The following CAMK1D variants were observed in gnomAD, a reference collection of about 807,000 sequenced individuals.
CAMK1D encodes calcium/calmodulin-dependent protein kinase type 1D.
In CAMK1D, 9 loss-of-function variants were observed where a neutral mutation model predicts 47.7. That is an observed-to-expected ratio of 0.19 (90% CI 0.11 to 0.33). The LOEUF is 0.33. CAMK1D is among the 10% of genes least tolerant of loss of function. The pLI is 1.00. For missense variants in CAMK1D, 291 were observed against 488.7 expected, an observed-to-expected ratio of 0.60 and a Z score of 3.81; for synonymous variants, 184 against 184.9, an observed-to-expected ratio of 0.99 and a Z score of 0.04.
At chr10:12,564,546 T>TC (rs1297239429) in intron 2 of CAMK1D, among the ~76,000 whole-genome samples, 2 of 152,204 alleles carry the variant, frequency 1.3e-5, no homozygotes, top group African/African-American at 4.8e-5. Flanking sequence ...TAACTGTTTT[T>TC]CTCAAAGCTT....
intron 1 of CAMK1D, among the ~76,000 whole-genome samples, chr10:12,542,348 A>G (rs1836224091): frequency 6.6e-6 from 1 of 152,226 alleles, no homozygotes; most frequent in Non-Finnish European, 1.5e-5. Flanking sequence ...CGATGCTGTT[A>G]ATAAAGTTAA....
At chr10:12,588,329 A>C (rs1419233630) in intron 2 of CAMK1D, among the ~76,000 whole-genome samples, 1 of 152,138 alleles carries the variant, frequency 6.6e-6, no homozygotes, top group East Asian at 1.9e-4. Context: ...CGCTGACTGC[A>C]TGCTTAGCAA....
chr10:12,809,286 GAAATC>G (rs1832501069), intron 6 of CAMK1D, among the ~76,000 whole-genome samples: 1 of 152,164 alleles, frequency 6.6e-6, no homozygotes, highest in Admixed American at 6.5e-5. Flanking sequence ...ATGTCATTGA[GAAATC>G]AAAAAGGCAA....
intron 2 of CAMK1D, among the ~76,000 whole-genome samples, chr10:12,651,679 G>A (rs558908235): frequency 6.6e-6 from 1 of 152,278 alleles, no homozygotes; most frequent in South Asian, 2.1e-4. Flanking sequence ...TGGGATTACA[G>A]GCGTGAGCCA....
intron 3 of CAMK1D, among the ~76,000 whole-genome samples, chr10:12,729,595 C>T (rs1834803105): frequency 6.6e-6 from 1 of 152,022 alleles, no homozygotes; most frequent in Admixed American, 6.6e-5. Flanking sequence ...TGCCACTGCA[C>T]TCCAGCCTGG....
intron 1 of CAMK1D, among the ~76,000 whole-genome samples, chr10:12,531,383 G>T (rs1269437394): frequency 2.0e-5 from 3 of 152,190 alleles, no homozygotes; most frequent in African/African-American, 7.2e-5. Flanking sequence ...ATGAGATAAT[G>T]GTTGCCAGGG....
chr10:12,834,450 G>C lies in CAMK1D; in HGVS notation c.*5563G>C, dbSNP rs1833472055. ...ACCCAAAAAGGCTGTGCATTTGGAA[G>C]CCAAACGCTCAGCATGCGGCTGCCG... On this transcript the variant is annotated 3_prime_UTR_variant, in exon 11 of 11. Transcript: ENST00000619168. The C allele has an allele frequency of 6.6e-6, 1 of 152,086 alleles. No homozygotes were observed. Among genetic ancestry groups the C allele is most frequent in the South Asian group, 2.1e-4 (1 of 4,824 alleles). The allele number at this position is 152,086 out of a possible 1,614,324, so 9.4% of individuals were successfully genotyped here.
chr10:12,678,872 C>T (rs1239412711), intron 3 of CAMK1D, among the ~76,000 whole-genome samples: 1 of 152,120 alleles, frequency 6.6e-6, no homozygotes, highest in African/African-American at 2.4e-5. Flanking sequence ...GAGTGATTCT[C>T]CTGCCTCAGA....
At chr10:12,373,834 G>C (rs562753989) in intron 1 of CAMK1D, among the ~76,000 whole-genome samples, 2 of 151,814 alleles carry the variant, frequency 1.3e-5, no homozygotes, top group African/African-American at 2.4e-5. Context: ...CAGCCCTTTG[G>C]GAGGCCGAGG....
intron 3 of CAMK1D, among the ~76,000 whole-genome samples, chr10:12,752,515 T>TA (rs1314011783): frequency 6.6e-6 from 1 of 152,180 alleles, no homozygotes; most frequent in Non-Finnish European, 1.5e-5. Context: ...GAGTGATTGT[T>TA]ACACTAAAAG....
intron 10 of CAMK1D, among the ~76,000 whole-genome samples, chr10:12,828,413 G>A (rs974725429): frequency 2.6e-5 from 4 of 152,154 alleles, no homozygotes; most frequent in Non-Finnish European, 5.9e-5. Flanking sequence ...GGCTGAGGTG[G>A]GTGGATCACC....
chr10:12,550,524 T>C (rs1836543795), intron 1 of CAMK1D, among the ~76,000 whole-genome samples: 1 of 152,206 alleles, frequency 6.6e-6, no homozygotes. Flanking sequence ...GGAATTGTTA[T>C]GATTTGGGTT....
intron 6 of CAMK1D, among the ~76,000 whole-genome samples, chr10:12,802,557 G>A (rs532426807): frequency 3.7e-4 from 57 of 152,232 alleles, no homozygotes; most frequent in African/African-American, 1.3e-3. Flanking sequence ...GTCTTGCTCT[G>A]TCACCCAGGC....
At chr10:12,795,002 C>A in intron 6 of CAMK1D, among the ~76,000 whole-genome samples, 1 of 152,092 alleles carries the variant, frequency 6.6e-6, no homozygotes, top group East Asian at 1.9e-4. Context: ...TGCACGGTGC[C>A]TGGAATAGAG....
At chr10:12,537,284 C>T (rs937677498) in intron 1 of CAMK1D, among the ~76,000 whole-genome samples, 17 of 152,338 alleles carry the variant, frequency 1.1e-4, no homozygotes, top group Non-Finnish European at 8.8e-5. Flanking sequence ...GTTGGCAAGG[C>T]TGGTCTCGAA....
chr10:12,755,220 G>T (rs994531597), intron 3 of CAMK1D, among the ~76,000 whole-genome samples: 3 of 152,202 alleles, frequency 2.0e-5, no homozygotes, highest in Non-Finnish European at 2.9e-5. Flanking sequence ...CTGAGAAGTG[G>T]GTGAGGGAGT....
intron 1 of CAMK1D, among the ~76,000 whole-genome samples, chr10:12,549,726 T>G (rs1459240916): frequency 6.6e-6 from 1 of 152,244 alleles, no homozygotes; most frequent in Non-Finnish European, 1.5e-5. Flanking sequence ...GCCGTTGTCC[T>G]GCCTTCCCCA....
At chr10:12,464,537 C>T (rs1447707661) in intron 1 of CAMK1D, among the ~76,000 whole-genome samples, 7 of 152,086 alleles carry the variant, frequency 4.6e-5, no homozygotes, top group African/African-American at 1.4e-4. Flanking sequence ...TGGTCAAGGC[C>T]GGGCGCCGTG....
intron 2 of CAMK1D, among the ~76,000 whole-genome samples, chr10:12,569,758 G>GT (rs1467763237): frequency 1.3e-5 from 2 of 149,114 alleles, no homozygotes; most frequent in Non-Finnish European, 3.0e-5. Context: ...TGTGGTGAAC[G>GT]TATTACAAAA....
Sources: gnomAD v4.1 joint callset for allele counts (sites outside exome capture counted in the v4.1 genomes callset) on GRCh38, gnomAD v4.1.1 for gene constraint, MANE v1.5 for transcripts, NCBI Gene and HGNC (gene_info 2026-07-23, HGNC 2026-07-21) for gene names.